Variants in MAF observed in about 807,000 individuals in gnomAD.
MAF encodes MAF bZIP transcription factor.
A neutral mutation model predicts 22.0 loss-of-function variants in MAF; 10 were observed. That is an observed-to-expected ratio of 0.45 (90% CI 0.28 to 0.77). The LOEUF is 0.77. Ranked by LOEUF, MAF falls within the 30% of genes least tolerant of loss-of-function variation. MAF has a pLI of 0.12. For synonymous variants in MAF, 337 were observed against 255.8 expected, an observed-to-expected ratio of 1.32 and a Z score of -3.03; for missense variants, 544 against 548.4, an observed-to-expected ratio of 0.99 and a Z score of 0.08.
chr16:79,564,395 T>A, the MAF span, among the ~76,000 whole-genome samples: 13 of 152,218 alleles, frequency 8.5e-5, no homozygotes, highest in Non-Finnish European at 2.9e-5. Context: ...TATAGCCGAA[T>A]AAGGTCAACA....
At chr16:79,246,105 T>C in the MAF span, among the ~76,000 whole-genome samples, 2 of 152,012 alleles carry the variant, frequency 1.3e-5, no homozygotes, top group African/African-American at 4.8e-5. Context: ...ATACCTAATG[T>C]AGATGACGGG....
the MAF span, among the ~76,000 whole-genome samples, chr16:79,504,572 T>C: frequency 6.6e-6 from 1 of 152,242 alleles, no homozygotes; most frequent in East Asian, 1.9e-4. Context: ...AATGGATGGA[T>C]GGACGGATGG....
intron 1 of MAF, chr16:79,597,618 G>C (rs1597845204): frequency 9.8e-7 from 1 of 1,022,410 alleles, no homozygotes; most frequent in Non-Finnish European, 1.2e-6. Flanking sequence ...TTTTGGAGCA[G>C]ATGCAAAATT....
chr16:79,210,270 C>T, the MAF span, among the ~76,000 whole-genome samples: 2 of 152,216 alleles, frequency 1.3e-5, no homozygotes, highest in African/African-American at 2.4e-5. Context: ...CCAAGTCTGC[C>T]TTATGGCAGA....
the MAF span, among the ~76,000 whole-genome samples, chr16:79,270,648 C>G: frequency 2.8e-4 from 42 of 152,312 alleles, 1 homozygote; most frequent in South Asian, 1.0e-3. Flanking sequence ...GCACAACCAT[C>G]TCTCAGGAAG....
the MAF span, among the ~76,000 whole-genome samples, chr16:79,509,960 G>C: frequency 1.3e-4 from 20 of 152,314 alleles, no homozygotes; most frequent in African/African-American, 4.6e-4. Flanking sequence ...CTGAAGGATA[G>C]CGGAGGGTAT....
the MAF span, among the ~76,000 whole-genome samples, chr16:79,225,682 A>T: frequency 1.1e-4 from 16 of 152,334 alleles, no homozygotes; most frequent in South Asian, 4.1e-4. Context: ...ATTTACAAGA[A>T]AAAAAACCAC....
At chr16:79,452,879 T>C in the MAF span, among the ~76,000 whole-genome samples, 1 of 152,248 alleles carries the variant, frequency 6.6e-6, no homozygotes, top group Admixed American at 6.5e-5. Context: ...AAAGAACCTG[T>C]GCCCCTGGAT....
chr16:79,388,775 G>A, the MAF span, among the ~76,000 whole-genome samples: 3 of 152,334 alleles, frequency 2.0e-5, no homozygotes, highest in Non-Finnish European at 2.9e-5. Flanking sequence ...TAGCACCATT[G>A]CATTAGCCTT....
At chr16:79,211,368 A>C in the MAF span, among the ~76,000 whole-genome samples, 1 of 152,164 alleles carries the variant, frequency 6.6e-6, no homozygotes, top group African/African-American at 2.4e-5. Context: ...CTGTCCCTGT[A>C]TGAGGTGTCA....
At chr16:79,319,522 C>T in the MAF span, among the ~76,000 whole-genome samples, 112,388 of 152,082 alleles carry the variant, frequency 0.74, 42,149 homozygotes, top group East Asian at 0.99. Flanking sequence ...CATTTACTCA[C>T]AGAAATAGAA....
chr16:79,576,231 TAAAAA>T, the MAF span, among the ~76,000 whole-genome samples: 385 of 42,992 alleles, frequency 9.0e-3, 1 homozygote, highest in Non-Finnish European at 0.015. Flanking sequence ...CCTGTGGTAC[TAAAAA>T]AAAAAAAAAA....
chr16:79,267,112 A>C, the MAF span, among the ~76,000 whole-genome samples: 10 of 152,244 alleles, frequency 6.6e-5, no homozygotes, highest in Non-Finnish European at 1.2e-4. Context: ...AGGATAGCTA[A>C]GAGACCCCAA....
At chr16:79,305,082 C>T in the MAF span, among the ~76,000 whole-genome samples, 2 of 152,210 alleles carry the variant, frequency 1.3e-5, no homozygotes, top group Non-Finnish European at 2.9e-5. Context: ...TGAGTAATTA[C>T]AGCTAATATC....
the MAF span, among the ~76,000 whole-genome samples, chr16:79,482,154 A>C: frequency 6.6e-6 from 1 of 152,254 alleles, no homozygotes; most frequent in Admixed American, 6.5e-5. Context: ...AACTGACTTC[A>C]GTTTTGAGCA....
At chr16:79,428,992 C>A in the MAF span, among the ~76,000 whole-genome samples, 5 of 152,076 alleles carry the variant, frequency 3.3e-5, no homozygotes, top group Admixed American at 3.3e-4. Context: ...CTGAATAAGT[C>A]GCTCTGGAAA....
chr16:79,365,871 G>A, the MAF span, among the ~76,000 whole-genome samples: 12 of 152,176 alleles, frequency 7.9e-5, no homozygotes, highest in African/African-American at 1.9e-4. Context: ...ATGTGTTTCC[G>A]GAAAACATGT....
the MAF span, among the ~76,000 whole-genome samples, chr16:79,254,052 TTA>T: frequency 6.6e-6 from 1 of 152,000 alleles, no homozygotes; most frequent in Non-Finnish European, 1.5e-5. Context: ...AAAAAACTCT[TTA>T]TATGTTATTT....
chr16:79,521,724 T>C, the MAF span, among the ~76,000 whole-genome samples: 264 of 152,322 alleles, frequency 1.7e-3, 1 homozygote, highest in African/African-American at 6.0e-3. Flanking sequence ...TTCCCATCTA[T>C]AAAATGGGGT....
Sources: allele counts gnomAD v4.1 joint callset (sites outside exome capture counted in the v4.1 genomes callset), GRCh38; gene constraint gnomAD v4.1.1; transcripts MANE v1.5; gene names NCBI Gene and HGNC (gene_info 2026-07-23, HGNC 2026-07-21).